Variants in ARMC9 observed in about 807,000 individuals in gnomAD.
The protein encoded by ARMC9 is armadillo repeat containing 9, also known as lisH domain-containing protein ARMC9.
ARMC9 carries 94 observed loss-of-function variants against 107.0 expected under a neutral mutation model. The ratio of observed to expected loss-of-function variants is 0.88; its 90% CI spans 0.74 to 1.04. The LOEUF is 1.04. Ranked by LOEUF, ARMC9 falls within the 50% of genes least tolerant of loss-of-function variation. The pLI is 0.00. For missense variants in ARMC9, 942 were observed against 1,030.1 expected (o/e 0.91, Z 1.17); for synonymous variants, 380 against 396.9 (o/e 0.96, Z 0.51).
chr2:231,293,459 A>G (rs1403422267), intron 18 of ARMC9, among the ~76,000 whole-genome samples: 1 of 152,158 alleles, frequency 6.6e-6, no homozygotes. Flanking sequence ...ACTGAGATAC[A>G]TCTGTCTCCT....
At chr2:231,335,644 G>C (rs537996582) in intron 20 of ARMC9, among the ~76,000 whole-genome samples, 229 of 152,310 alleles carry the variant, frequency 1.5e-3, no homozygotes, top group African/African-American at 5.5e-3. Flanking sequence ...TTGCTTACTC[G>C]TAATTCTAGT....
intron 11 of ARMC9, among the ~76,000 whole-genome samples, chr2:231,260,388 G>T (rs1324109888): frequency 6.6e-6 from 1 of 152,208 alleles, no homozygotes; most frequent in Non-Finnish European, 1.5e-5. Context: ...AACAGTGGTT[G>T]AGCCAGCAGT....
chr2:231,370,145 A>T lies in ARMC9; in HGVS notation c.2434+20A>T. On this transcript the variant is annotated intron_variant, in intron 24 of 24. Coordinates refer to ENST00000611582, the MANE Select transcript of ARMC9 (RefSeq NM_001352754.2). ...TGCCGAGTAAGTCAGCCTGGGCCCC[A>T]CTGGCGTGGGAGCCTGGCCACCCGC... The T allele has an allele frequency of 6.7e-7, 1 of 1,499,254 alleles. No homozygotes were observed. Among genetic ancestry groups the T allele is most frequent in the Non-Finnish European group, 8.9e-7 (1 of 1,124,450 alleles). The allele number at this position is 1,499,254 out of a possible 1,614,324, so 92.9% of individuals were successfully genotyped here.
chr2:231,235,884 C>T lies in ARMC9; in HGVS notation c.780+503C>T, dbSNP rs190864857. ...CTCGAACTCCTGACCTCAGGTGATC[C>T]GCCAGCCTTGGCCTCCCAAAGTGCT... On this transcript the variant is annotated intron_variant, in intron 8 of 24. Coordinates refer to ENST00000611582, the MANE Select transcript of ARMC9 (RefSeq NM_001352754.2). Among the ~76,000 whole-genome samples the T allele has an allele frequency of 1.7e-4, 26 of 152,284 alleles. 1 individual carries two copies. The East Asian group carries it at 3.3e-3, about 19-fold the overall frequency.
chr2:231,365,672 A>G (rs983629338), intron 23 of ARMC9, among the ~76,000 whole-genome samples: 27 of 139,870 alleles, frequency 1.9e-4, no homozygotes, highest in East Asian at 1.9e-4. Context: ...AGCCGCACAC[A>G]CAGCAGATGG....
At chr2:231,226,162 G>A (rs2034628556) in intron 6 of ARMC9, among the ~76,000 whole-genome samples, 1 of 152,184 alleles carries the variant, frequency 6.6e-6, no homozygotes, top group African/African-American at 2.4e-5. Flanking sequence ...GGCCTGAAAG[G>A]TACACTTTAA....
At chr2:231,331,426 A>G (rs576221603) in intron 19 of ARMC9, among the ~76,000 whole-genome samples, 15 of 149,980 alleles carry the variant, frequency 1.0e-4, no homozygotes, top group Non-Finnish European at 1.6e-4. Flanking sequence ...CCTATCCCCC[A>G]TAAGGCCTGT....
At chr2:231,292,192 G>T (rs918063609) in intron 18 of ARMC9, among the ~76,000 whole-genome samples, 2 of 148,098 alleles carry the variant, frequency 1.4e-5, no homozygotes, top group South Asian at 4.3e-4. Flanking sequence ...AAAAAGTTCC[G>T]CCAGGTAGTC....
intron 19 of ARMC9, among the ~76,000 whole-genome samples, chr2:231,300,385 G>A (rs767641813): frequency 5.9e-5 from 9 of 152,176 alleles, no homozygotes; most frequent in Non-Finnish European, 1.2e-4. Context: ...ATGGGGAAGG[G>A]ATGCAAAAGA....
chr2:231,346,248 G>A (rs1432002986), intron 21 of ARMC9, among the ~76,000 whole-genome samples: 4 of 152,158 alleles, frequency 2.6e-5, no homozygotes, highest in East Asian at 1.9e-4. Context: ...ATGGCCAGGC[G>A]TGGTGGCTCA....
chr2:231,268,349 C>CA (rs963503923), intron 12 of ARMC9, among the ~76,000 whole-genome samples: 5 of 152,082 alleles, frequency 3.3e-5, no homozygotes, highest in Non-Finnish European at 5.9e-5. Context: ...TATACTTCAG[C>CA]AAAAAATCAA....
chr2:231,303,617 A>T (rs1472398652), intron 19 of ARMC9, among the ~76,000 whole-genome samples: 2 of 151,980 alleles, frequency 1.3e-5, no homozygotes, highest in Non-Finnish European at 2.9e-5. Flanking sequence ...TTTCCCTTTC[A>T]TACTACTGAT....
In ARMC9 at chr2:231,255,357, C is replaced by T. The variant is rs996642487; in HGVS notation, c.880-1229C>T. Among the ~76,000 whole-genome samples, 11 of 152,022 alleles carry T rather than the reference C, an allele frequency of 7.2e-5. No homozygotes were observed. Among genetic ancestry groups the T allele is most frequent in the African/African-American group, 2.7e-4 (11 of 41,346 alleles). Reference sequence around the variant, plus strand: ...CGTGTAGAAAATGTTTGACTTGGTACAAAGTGCACATTTTTATACTTGAAG... The same window carrying T: ...CGTGTAGAAAATGTTTGACTTGGTATAAAGTGCACATTTTTATACTTGAAG... On this transcript the variant is annotated intron_variant, in intron 9 of 24. Coordinates refer to ENST00000611582, the MANE Select transcript of ARMC9 (RefSeq NM_001352754.2). This position sits in a 1 kb window ranked among gnomAD's most constrained non-coding sequence, Gnocchi z 4.7.
intron 14 of ARMC9, among the ~76,000 whole-genome samples, chr2:231,275,259 G>A (rs990658929): frequency 1.3e-5 from 2 of 152,110 alleles, no homozygotes; most frequent in African/African-American, 2.4e-5. Context: ...CAGGATGAAC[G>A]GATAACTGGT....
At chr2:231,336,404 A>G (rs1233714663) in intron 20 of ARMC9, among the ~76,000 whole-genome samples, 1 of 152,108 alleles carries the variant, frequency 6.6e-6, no homozygotes, top group Non-Finnish European at 1.5e-5. Context: ...GCTGAGGCTG[A>G]GAAAGGCTGA....
At chr2:231,281,973 A>G in intron 16 of ARMC9, 86 bp from the exon 17 acceptor site, 3 of 1,306,284 alleles carry the variant, frequency 2.3e-6, no homozygotes, top group Admixed American at 3.4e-5. Flanking sequence ...CCCATTTGCC[A>G]GATTGTTCTG....
chr2:231,251,141 G>A (rs564639481), intron 9 of ARMC9, among the ~76,000 whole-genome samples: 1 of 151,986 alleles, frequency 6.6e-6, no homozygotes, highest in African/African-American at 2.4e-5. Context: ...GAGTGAAGAG[G>A]CCACTTTTTT....
chr2:231,343,652 T>C (rs1279593913), intron 20 of ARMC9, among the ~76,000 whole-genome samples: 1 of 152,198 alleles, frequency 6.6e-6, no homozygotes, highest in African/African-American at 2.4e-5. Flanking sequence ...ATTAACATAA[T>C]AGTAACCATA....
intron 19 of ARMC9, among the ~76,000 whole-genome samples, chr2:231,296,568 G>A (rs752455662): frequency 9.9e-5 from 15 of 152,238 alleles, no homozygotes; most frequent in Non-Finnish European, 1.8e-4. Context: ...TTGCTCTGAA[G>A]GGGCACGAGC....
Sources: gnomAD v4.1 joint callset for allele counts (sites outside exome capture counted in the v4.1 genomes callset) on GRCh38, gnomAD v4.1.1 for gene constraint, Gnocchi (gnomAD v3.1) non-coding constraint, MANE v1.5 for transcripts, NCBI Gene and HGNC (gene_info 2026-07-23, HGNC 2026-07-21) for gene names.